The following MFSD11 variants were observed in gnomAD, a reference collection of about 807,000 sequenced individuals.
MFSD11 encodes major facilitator superfamily domain containing 11.
A neutral mutation model predicts 53.5 loss-of-function variants in MFSD11; 36 were observed. That is an observed-to-expected ratio of 0.67 (90% CI 0.52 to 0.89). The LOEUF (loss-of-function observed/expected upper bound fraction) is 0.89. MFSD11 is among the 40% of genes least tolerant of loss of function. The probability of loss-of-function intolerance (pLI) is 0.00; values close to 1 mark genes in which losing one functional copy is unlikely to be tolerated. For missense variants in MFSD11, 530 were observed against 543.9 expected (o/e 0.97, Z 0.25); for synonymous variants, 186 against 184.9 (o/e 1.01, Z -0.05).
chr17:76,789,958 A>G, the MFSD11 span, among the ~76,000 whole-genome samples: 1 of 150,420 alleles, frequency 6.6e-6, no homozygotes, highest in East Asian at 1.9e-4. Flanking sequence ...TGAAAAGTTA[A>G]TGTCTCATTA....
Position 76,776,048 on chromosome 17 carries a change from C to T in MFSD11, c.1050-358C>T, listed in dbSNP as rs1051393234. Among the ~76,000 whole-genome samples the T allele has an allele frequency of 2.0e-5, 3 of 152,118 alleles. No individual in the cohort carries two copies. Among genetic ancestry groups the T allele is most frequent in the South Asian group, 2.1e-4 (1 of 4,830 alleles). On this transcript the variant is annotated intron_variant, in intron 11 of 12. Transcript: ENST00000685175. The surrounding 1 kb of genome is among the most constrained non-coding windows in gnomAD (Gnocchi z 4.2). ...CCTAGAATGCAAGTGGCGTGATCTCCGCTCACTGCAACCTCCACCTCCGGG... is the reference window on the plus strand; with the variant it reads ...CCTAGAATGCAAGTGGCGTGATCTCTGCTCACTGCAACCTCCACCTCCGGG...
chr17:76,738,271 T>G lies in MFSD11; in HGVS notation c.-82T>G. 4.5e-6 allele frequency: 4 copies of G among 894,994 alleles called. No homozygotes were observed. The highest frequency in any genetic ancestry group is 5.5e-6 in the Non-Finnish European group (3 of 548,814). 55.4% of individuals were successfully genotyped at this position (894,994 alleles called of 1,614,324 possible). On this transcript the variant is annotated 5_prime_UTR_variant, in exon 1 of 13. Coordinates refer to ENST00000685175, the MANE Select transcript of MFSD11 (RefSeq NM_001242532.5). ...TGCCTTCTCCACTCACCATCTCATT[T>G]CTTTCTCCAGGATTGTCAGTGGCTT...
intron 8 of MFSD11, among the ~76,000 whole-genome samples, chr17:76,763,827 A>C (rs901389023): frequency 1.3e-5 from 2 of 151,612 alleles, no homozygotes; most frequent in Admixed American, 1.3e-4. Flanking sequence ...TATAACTTAC[A>C]AAAATTGTAT....
chr17:76,787,165 C>T, the MFSD11 span, among the ~76,000 whole-genome samples: 1,544 of 130,020 alleles, frequency 0.012, 22 homozygotes, highest in African/African-American at 0.042. Context: ...GACAGAGTTT[C>T]GCTCTTGTCG....
At chr17:76,791,511 CTG>C in the MFSD11 span, among the ~76,000 whole-genome samples, 1 of 148,842 alleles carries the variant, frequency 6.7e-6, no homozygotes, top group African/African-American at 2.5e-5. Flanking sequence ...ATTGTAGACA[CTG>C]TGAGAACATG....
chr17:76,765,131 G>A (rs771649631), intron 8 of MFSD11, among the ~76,000 whole-genome samples: 13 of 151,978 alleles, frequency 8.6e-5, no homozygotes, highest in Non-Finnish European at 1.6e-4. Flanking sequence ...AGTTTTTTTA[G>A]TTTTAGCTCT....
intron 7 of MFSD11, among the ~76,000 whole-genome samples, chr17:76,745,858 C>T (rs1034332369): frequency 1.4e-4 from 22 of 151,896 alleles, no homozygotes; most frequent in African/African-American, 5.3e-4. Flanking sequence ...GACGGAGTCT[C>T]GCTCTGTCAC....
chr17:76,736,999 G>T (rs773650940), upstream of MFSD11: 1 of 1,613,484 alleles, frequency 6.2e-7, no homozygotes, highest in Non-Finnish European at 8.5e-7. Context: ...CGAAGCCGCG[G>T]GACTCCTTGG....
intron 7 of MFSD11, among the ~76,000 whole-genome samples, chr17:76,747,022 G>A (rs1031893770): frequency 8.0e-5 from 12 of 150,824 alleles, no homozygotes; most frequent in African/African-American, 2.9e-4. Flanking sequence ...GATTCCTCCT[G>A]CCTCAGCCTC....
upstream of MFSD11, chr17:76,737,852 C>G (rs1260424429): frequency 1.2e-5 from 2 of 163,510 alleles, no homozygotes; most frequent in Non-Finnish European, 2.6e-5. Context: ...TTCGCCAGAG[C>G]CCGAGAGCTC....
chr17:76,777,211 T>C (rs2081923035), intron 12 of MFSD11, among the ~76,000 whole-genome samples: 1 of 145,646 alleles, frequency 6.9e-6, no homozygotes. Context: ...GAGCTTGCGG[T>C]GAGCCCAGAC....
intron 8 of MFSD11, among the ~76,000 whole-genome samples, chr17:76,759,447 TA>T (rs1461003417): frequency 1.3e-5 from 2 of 151,300 alleles, no homozygotes; most frequent in Non-Finnish European, 2.9e-5. Flanking sequence ...CACACCTAGC[TA>T]AATTTTTTGT....
downstream of MFSD11, among the ~76,000 whole-genome samples, chr17:76,784,386 T>C (rs1305727115): frequency 1.3e-5 from 2 of 151,644 alleles, no homozygotes; most frequent in East Asian, 3.9e-4. Flanking sequence ...GTACAAAAAT[T>C]AGCTGGGCAT....
At position 76,778,628 on chromosome 17, in the gene MFSD11, T is replaced by C. The variant is rs961415994; in HGVS notation, c.*276T>C. 5 of 357,756 alleles carry C rather than the reference T, an allele frequency of 1.4e-5. No homozygotes were observed. Among genetic ancestry groups the C allele is most frequent in the African/African-American group, 8.2e-5 (4 of 48,776 alleles). 22.2% of individuals were successfully genotyped at this position (357,756 alleles called of 1,614,324 possible). ...TATCTCAATTCTTATAATCATGTTA[T>C]AGAATGTAAATGTTTTCTTCTCTCT... On this transcript the variant is annotated 3_prime_UTR_variant, in exon 13 of 13. Coordinates refer to ENST00000685175, the MANE Select transcript of MFSD11 (RefSeq NM_001242532.5).
the MFSD11 span, among the ~76,000 whole-genome samples, chr17:76,788,021 G>GTTT: frequency 7.0e-6 from 1 of 142,230 alleles, no homozygotes; most frequent in African/African-American, 2.9e-5. Context: ...GTTTGTTTGT[G>GTTT]GTTTTTTTTT....
chr17:76,803,151 G>A, the MFSD11 span, among the ~76,000 whole-genome samples: 194 of 151,658 alleles, frequency 1.3e-3, 1 homozygote, highest in Non-Finnish European at 2.4e-3. Context: ...GTGAGACTCC[G>A]TCTCAAAAAA....
intron 7 of MFSD11, among the ~76,000 whole-genome samples, chr17:76,746,376 T>G (rs1156979824): frequency 6.6e-6 from 1 of 152,254 alleles, no homozygotes; most frequent in Admixed American, 6.5e-5. Flanking sequence ...CAAGTGCTGC[T>G]GGAGAAGCTG....
At chr17:76,738,520 C>T (rs1248756955) in intron 1 of MFSD11, 72 bp downstream of exon 1, 3 of 1,052,570 alleles carry the variant, frequency 2.9e-6, no homozygotes, top group African/African-American at 1.6e-5. Flanking sequence ...AATAAACGTT[C>T]ATTATATCTA....
At position 76,776,783 on chromosome 17, in the gene MFSD11, GGT is replaced by G. The variant is rs2081871567; in HGVS notation, c.1185+244_1185+245del. Among the ~76,000 whole-genome samples the G allele has an allele frequency of 6.6e-6, 1 of 151,876 alleles. No individual in the cohort carries two copies. Among genetic ancestry groups the G allele is most frequent in the Non-Finnish European group, 1.5e-5 (1 of 67,984 alleles). ...AGCCTCCTGAGTAGCTGAGATTACAGGTGCACACCACCATGCCTGGCTAATTT... is the reference window on the plus strand; with the variant it reads ...AGCCTCCTGAGTAGCTGAGATTACAGGCACACCACCATGCCTGGCTAATTT... On this transcript the variant is annotated intron_variant, in intron 12 of 12. Coordinates refer to ENST00000685175, the MANE Select transcript of MFSD11 (RefSeq NM_001242532.5). The surrounding 1 kb of genome is among the most constrained non-coding windows in gnomAD (Gnocchi z 4.2).
Sources: allele counts gnomAD v4.1 joint callset (sites outside exome capture counted in the v4.1 genomes callset), GRCh38; gene constraint gnomAD v4.1.1; non-coding constraint Gnocchi (gnomAD v3.1); transcripts MANE v1.5; gene names NCBI Gene and HGNC (gene_info 2026-07-23, HGNC 2026-07-21).